The following UNC80 variants were observed in gnomAD, a reference collection of about 807,000 sequenced individuals.
UNC80 encodes unc-80 subunit of NALCN channel complex.
UNC80 carries 164 observed loss-of-function variants against 384.6 expected under a neutral mutation model. The ratio of observed to expected loss-of-function variants is 0.43; its 90% CI spans 0.38 to 0.49. UNC80 has a LOEUF of 0.49. Among genes scored for constraint, UNC80 ranks in the 20% least tolerant of loss-of-function variants. The pLI, the probability that UNC80 is intolerant of heterozygous loss-of-function variation, is 0.00. For synonymous variants in UNC80, 1,486 were observed against 1,527.8 expected (o/e 0.97, Z 0.64); for missense variants, 3,330 against 4,143.0 (o/e 0.80, Z 5.39).
chr2:209,793,600 GAA>G, intron 6 of UNC80, 118 bp from the exon 7 acceptor site: 1 of 1,219,908 alleles, frequency 8.2e-7, no homozygotes, highest in South Asian at 1.9e-5. Context: ...TAACTATAGT[GAA>G]AAAAAGCCCA....
chr2:209,777,124 A>G (rs1425773292), intron 3 of UNC80, 134 bp from the exon 4 acceptor site: 7 of 1,049,822 alleles, frequency 6.7e-6, no homozygotes, highest in Non-Finnish European at 9.4e-6. Context: ...TCCAAAAAGC[A>G]AGAATGAGCC....
At chr2:209,945,523 A>G (rs1410710545) in intron 46 of UNC80, among the ~76,000 whole-genome samples, 1 of 152,184 alleles carries the variant, frequency 6.6e-6, no homozygotes, top group Non-Finnish European at 1.5e-5. Flanking sequence ...TTTTATTATC[A>G]TGGAATGTGT....
At chr2:209,913,734 A>C (rs1335231937) in intron 30 of UNC80, 68 bp from the exon 31 acceptor site, 1 of 1,444,968 alleles carries the variant, frequency 6.9e-7, no homozygotes. Context: ...GTGGCTTTTA[A>C]GTTTCAAGAG....
At chr2:209,834,468 T>C (rs1487719122) in intron 17 of UNC80, among the ~76,000 whole-genome samples, 1 of 152,232 alleles carries the variant, frequency 6.6e-6, no homozygotes, top group African/African-American at 2.4e-5. Flanking sequence ...TAGTCTCTTC[T>C]GTACATAATT....
At chr2:209,845,914 C>A (rs2082132396) in intron 21 of UNC80, among the ~76,000 whole-genome samples, 1 of 151,942 alleles carries the variant, frequency 6.6e-6, no homozygotes, top group Non-Finnish European at 1.5e-5. Flanking sequence ...TCCTTACTTC[C>A]TTTTCTGATT....
At chr2:209,816,794 T>G (rs2079772672) in intron 9 of UNC80, 115 bp from the exon 10 acceptor site, 10 of 907,622 alleles carry the variant, frequency 1.1e-5, no homozygotes, top group Non-Finnish European at 1.0e-5. Flanking sequence ...ACTTTCTGGG[T>G]CTTCTCTTCC....
chr2:209,935,887 A>G (rs2091210550), intron 40 of UNC80, 79 bp downstream of exon 40: 1 of 891,192 alleles, frequency 1.1e-6, no homozygotes, highest in Non-Finnish European at 1.7e-6. Flanking sequence ...TTAGAATAAA[A>G]TGGCATTTTT....
At position 209,844,489 on chromosome 2, in the gene UNC80, TTCCTTCC is replaced by T. The variant is rs1559186122; in HGVS notation, c.3454+2045_3454+2051del. ...TTTCTTTCTTTCTTTCCTTCCTTCC[TTCCTTCC>T]TTCCTTCCTTCCTTCCTTCCTTCCT... On this transcript the variant is annotated intron_variant, in intron 21 of 64. Transcript: ENST00000673920. Among the ~76,000 whole-genome samples, 145 of 96,882 alleles carry T rather than the reference TTCCTTCC, an allele frequency of 1.5e-3. 6 individuals are homozygous for T. The highest frequency in any genetic ancestry group is 5.7e-3 in the African/African-American group (139 of 24,462). The allele number at this position is 96,882 out of a possible 152,430, so 63.6% of individuals were successfully genotyped here.
chr2:209,907,892 T>G (rs1451120034), intron 29 of UNC80, among the ~76,000 whole-genome samples: 1 of 152,248 alleles, frequency 6.6e-6, no homozygotes, highest in Non-Finnish European at 1.5e-5. Flanking sequence ...GCCCCTGGCC[T>G]GAAGCAGTAG....
chr2:209,855,814 G>T (rs1413987212), intron 22 of UNC80, among the ~76,000 whole-genome samples: 1 of 151,954 alleles, frequency 6.6e-6, no homozygotes, highest in East Asian at 1.9e-4. Context: ...GATGCATTTA[G>T]TGTTAATATG....
chr2:209,808,721 C>T (rs17803849), intron 7 of UNC80: 86,449 of 162,054 alleles, frequency 0.53, 18,721 homozygotes, highest in South Asian at 0.61. Flanking sequence ...AGCGGCTGCA[C>T]TCATTGCTCC....
intron 43 of UNC80, among the ~76,000 whole-genome samples, chr2:209,940,817 AAAAAAAC>A (rs1279325631): frequency 5.9e-5 from 9 of 152,238 alleles, no homozygotes; most frequent in South Asian, 2.1e-4. Context: ...ACTCCATCTC[AAAAAAAC>A]AAAAAACAAA....
chr2:209,854,783 A>G (rs754039343), intron 22 of UNC80, among the ~76,000 whole-genome samples: 1 of 152,214 alleles, frequency 6.6e-6, no homozygotes, highest in Non-Finnish European at 1.5e-5. Context: ...GATTATTAAA[A>G]ACTCAAGAAA....
intron 2 of UNC80, among the ~76,000 whole-genome samples, chr2:209,775,412 G>T (rs1410793285): frequency 2.6e-5 from 4 of 152,090 alleles, no homozygotes; most frequent in Admixed American, 2.6e-4. Context: ...ATAAATCAGG[G>T]ATTCCAAAGT....
At chr2:209,867,052 A>T (rs1407602716) in intron 22 of UNC80, among the ~76,000 whole-genome samples, 1 of 152,242 alleles carries the variant, frequency 6.6e-6, no homozygotes, top group African/African-American at 2.4e-5. Context: ...GAATGTTCCA[A>T]ATCTTCTCTT....
intron 33 of UNC80, among the ~76,000 whole-genome samples, chr2:209,920,993 A>G (rs928966162): frequency 6.6e-6 from 1 of 151,940 alleles, no homozygotes; most frequent in African/African-American, 2.4e-5. Flanking sequence ...ACGCCCAGCT[A>G]ATTTTTGTAT....
In UNC80 at chr2:209,819,244, G is replaced by A. The variant is rs2079970546; in HGVS notation, c.1945G>A (p.Gly649Arg). The A allele has an allele frequency of 6.5e-7, 1 of 1,549,026 alleles. No homozygotes were observed. The highest frequency in any genetic ancestry group is 8.7e-7 in the Non-Finnish European group (1 of 1,145,508). ...DGTNNFVHKN[G>R]MLDLSVVLKA... ...GACCAATAACTTTGTCCACAAGAAT[G>A]GAATGCTTGATCTTTCTGTAAGAAG... Residue 649 changes from glycine to arginine, a missense_variant, in exon 12 of 65, where the codon GGA becomes AGA. Around this residue, in one of 8 missense-constraint regions of UNC80, gnomAD observed 937 missense variants for 1,026.8 expected, o/e 0.91. Coordinates refer to ENST00000673920, the MANE Select transcript of UNC80 (RefSeq NM_001371986.1).
rs373267959 is a variant in UNC80, at chr2:209,871,544, T to C, written c.3628-1214T>C. Among the ~76,000 whole-genome samples the C allele has an allele frequency of 3.9e-5, 6 of 152,294 alleles. No individual in the cohort carries two copies. In the South Asian group the frequency reaches 6.2e-4, roughly 16 times the overall value. ...TTACCATTATTAAAAATTATTTCAA[T>C]TTGAAAATCTGTGGTTACTGAGTAA... On this transcript the variant is annotated intron_variant, in intron 22 of 64. Coordinates refer to ENST00000673920, the MANE Select transcript of UNC80 (RefSeq NM_001371986.1).
intron 7 of UNC80, among the ~76,000 whole-genome samples, chr2:209,798,227 T>C (rs544415450): frequency 2.0e-5 from 3 of 152,336 alleles, no homozygotes; most frequent in African/African-American, 7.2e-5. Flanking sequence ...AGTCATGAAG[T>C]CTTTGCCCAT....
Sources: allele counts gnomAD v4.1 joint callset (sites outside exome capture counted in the v4.1 genomes callset), GRCh38; gene constraint gnomAD v4.1.1; regional missense constraint gnomAD v4.1.1; transcripts MANE v1.5; gene names NCBI Gene and HGNC (gene_info 2026-07-23, HGNC 2026-07-21).